NUP50: variants seen among roughly 807,000 people sequenced by gnomAD.
NUP50 encodes the protein nuclear pore complex protein Nup50.
A neutral mutation model predicts 36.8 loss-of-function variants in NUP50; 14 were observed. The ratio of observed to expected loss-of-function variants is 0.38; its 90% CI spans 0.25 to 0.59. NUP50 has a LOEUF of 0.59. Ranked by LOEUF, NUP50 falls within the 20% of genes least tolerant of loss-of-function variation. The probability of loss-of-function intolerance (pLI) is 0.63; values close to 1 mark genes in which losing one functional copy is unlikely to be tolerated. For synonymous variants in NUP50, 195 were observed against 210.8 expected (o/e 0.93, Z 0.65); for missense variants, 455 against 564.6 (o/e 0.81, Z 1.97).
In NUP50 at chr22:45,181,273, A is replaced by G; in HGVS notation, c.1004-13A>G. ...ATTGGAATCTTACTGAATTATTGTC[A>G]TTTTTATAAAAGGTGGAGATGAAGA... On this transcript the variant is annotated splice_polypyrimidine_tract_variant and intron_variant, in intron 5 of 7. Transcript: ENST00000347635. The G allele has an allele frequency of 2.5e-6, 4 of 1,575,372 alleles. No homozygotes were observed. The highest frequency in any genetic ancestry group is 2.6e-6 in the Non-Finnish European group (3 of 1,162,004).
intron 7 of NUP50, 57 bp from the exon 8 acceptor site, chr22:45,184,396 C>T (rs1297041760): frequency 3.4e-6 from 5 of 1,469,542 alleles, no homozygotes; most frequent in South Asian, 1.1e-5. Context: ...ATTACAGACT[C>T]CTTTGGTGGA....
intron 7 of NUP50, 153 bp from the exon 8 acceptor site, chr22:45,184,300 T>A (rs922243181): frequency 2.9e-4 from 203 of 707,946 alleles, no homozygotes; most frequent in Admixed American, 5.5e-4. Flanking sequence ...CTCCCAGTTC[T>A]CAGGGAACCA....
intron 1 of NUP50, among the ~76,000 whole-genome samples, chr22:45,167,425 A>G (rs1211862121): frequency 1.3e-5 from 2 of 152,248 alleles, no homozygotes; most frequent in Non-Finnish European, 2.9e-5. Context: ...CTCTTTGGTT[A>G]GGTGCCGGAA....
chr22:45,179,850 C>G (rs950278888), intron 5 of NUP50, among the ~76,000 whole-genome samples: 1 of 152,196 alleles, frequency 6.6e-6, no homozygotes, highest in African/African-American at 2.4e-5. Flanking sequence ...CATCACTGCA[C>G]TCCAGCCTGG....
At chr22:45,168,056 T>TA (rs1222859944) in intron 1 of NUP50, 112 bp from the exon 2 acceptor site, 19 of 788,034 alleles carry the variant, frequency 2.4e-5, no homozygotes, top group African/African-American at 5.4e-5. Context: ...TTTTCCCTGA[T>TA]AAAAAAACCA....
chr22:45,177,193 T>C (rs1474222489), intron 4 of NUP50, among the ~76,000 whole-genome samples: 1 of 152,172 alleles, frequency 6.6e-6, no homozygotes, highest in East Asian at 1.9e-4. Context: ...CCCAGAGTAC[T>C]GCATTGAGAC....
chr22:45,167,175 C>G (rs1292290511), intron 1 of NUP50, among the ~76,000 whole-genome samples: 1 of 152,076 alleles, frequency 6.6e-6, no homozygotes, highest in African/African-American at 2.4e-5. Flanking sequence ...GGGAGAGTAT[C>G]ACGAAGGAGT....
Position 45,183,440 on chromosome 22 carries a change from A to G in NUP50, c.1124A>G (p.Glu375Gly). ...TACAAGAAAGACAATGAGTTTAAAG[A>G]GAAAGGCATAGGTACTCTGCATTTA... ...LFYKKDNEFK[E>G]KGIGTLHLKP... Residue 375 changes from glutamate (E) to glycine (G), a missense_variant, in exon 7 of 8, where the codon GAG (glutamate) becomes GGG (glycine). Glu to Gly is a moderately conservative substitution (Grantham distance 98). Around this residue, in one of 3 missense-constraint regions of NUP50, gnomAD observed 287 missense variants for 345.5 expected, o/e 0.83. Coordinates refer to ENST00000347635, the MANE Select transcript of NUP50 (RefSeq NM_007172.4). 3 of 1,609,174 alleles carry G rather than the reference A, an allele frequency of 1.9e-6. No individual in the cohort carries two copies. The highest frequency in any genetic ancestry group is 2.5e-6 in the Non-Finnish European group (3 of 1,176,824).
chr22:45,184,435 T>A lies in NUP50; in HGVS notation c.1205-18T>A, dbSNP rs2147711763. The A allele has an allele frequency of 6.2e-7, 1 of 1,609,276 alleles. No individual in the cohort carries two copies. Among genetic ancestry groups the A allele is most frequent in the East Asian group, 2.2e-5 (1 of 44,872 alleles). On this transcript the variant is annotated intron_variant, in intron 7 of 7. Coordinates refer to ENST00000347635, the MANE Select transcript of NUP50 (RefSeq NM_007172.4). ...ATAGCTTCTATAATTTTGATGGGTT[T>A]TGTTTGTTTGAATGCAGGCAACATA...
chr22:45,178,080 C>T, intron 4 of NUP50, 158 bp from the exon 5 acceptor site: 3 of 661,186 alleles, frequency 4.5e-6, no homozygotes, highest in East Asian at 5.6e-5. Context: ...GAGCCAAGAT[C>T]GTGCCACGGC....
chr22:45,169,578 A>G (rs1303746131), intron 2 of NUP50, among the ~76,000 whole-genome samples: 2 of 152,234 alleles, frequency 1.3e-5, no homozygotes, highest in Non-Finnish European at 2.9e-5. Context: ...AGCTTTTAAT[A>G]TTACTCTTTG....
At chr22:45,165,980 C>T (rs2074088261) in intron 1 of NUP50, 1 of 152,216 alleles carries the variant, frequency 6.6e-6, no homozygotes, top group Non-Finnish European at 1.5e-5. Context: ...TTTATGCTCA[C>T]TGGGGAAATA....
At position 45,184,685 on chromosome 22, in the gene NUP50, C is replaced by T. The variant is rs2074441589; in HGVS notation, c.*30C>T. The T allele has an allele frequency of 7.1e-7, 1 of 1,404,770 alleles. No individual in the cohort carries two copies. Among genetic ancestry groups the T allele is most frequent in the Non-Finnish European group, 9.8e-7 (1 of 1,015,926 alleles). 87.0% of individuals were successfully genotyped at this position (1,404,770 alleles called of 1,614,324 possible). A position where few individuals can be genotyped will look rare whatever the true frequency, so the allele number is the denominator to read the frequency against. Reference sequence around the variant, plus strand: ...GCAAAGTCGGCTGCAGAATTATTGCCAAGTTGCTGCTGCTTCCACCGCCCC... The same window carrying T: ...GCAAAGTCGGCTGCAGAATTATTGCTAAGTTGCTGCTGCTTCCACCGCCCC... On this transcript the variant is annotated 3_prime_UTR_variant, in exon 8 of 8. Transcript: ENST00000347635.
chr22:45,172,173 T>C (rs1207711151), intron 3 of NUP50: 1 of 155,684 alleles, frequency 6.4e-6, no homozygotes, highest in Non-Finnish European at 1.4e-5. Flanking sequence ...AATAATGTGC[T>C]GATTATTAAG....
intron 3 of NUP50, among the ~76,000 whole-genome samples, chr22:45,174,594 T>A (rs1016067868): frequency 5.3e-5 from 8 of 152,234 alleles, no homozygotes; most frequent in Admixed American, 2.6e-4. Flanking sequence ...ATCAGCAATT[T>A]CTAAAATCCC....
chr22:45,165,100 A>C (rs1456974565), intron 1 of NUP50: 1 of 152,240 alleles, frequency 6.6e-6, no homozygotes, highest in African/African-American at 2.4e-5. Context: ...CAGATGCCAG[A>C]GACCACATAA....
Position 45,183,388 on chromosome 22 carries a change from A to G in NUP50, c.1086-14A>G, listed in dbSNP as rs1201591017. ...CCTTGAATGCTTGATGGTCCCTATT[A>G]TTTTTCTCCATAGGTGTAAACTGTT... On this transcript the variant is annotated splice_polypyrimidine_tract_variant and intron_variant, in intron 6 of 7. Transcript: ENST00000347635. 3 of 1,473,370 alleles carry G rather than the reference A, an allele frequency of 2.0e-6. No individual in the cohort carries two copies. The highest frequency in any genetic ancestry group is 2.8e-6 in the Non-Finnish European group (3 of 1,055,296). 91.3% of individuals were successfully genotyped at this position (1,473,370 alleles called of 1,614,324 possible). A position where few individuals can be genotyped will look rare whatever the true frequency, so the allele number is the denominator to read the frequency against.
At chr22:45,165,120 G>A (rs745546029) in intron 1 of NUP50, among the ~76,000 whole-genome samples, 3 of 152,204 alleles carry the variant, frequency 2.0e-5, no homozygotes, top group Non-Finnish European at 4.4e-5. Flanking sequence ...ACTATATCAG[G>A]CACAAATAAT....
At chr22:45,176,738 TTTG>T (rs372467830) in intron 4 of NUP50, among the ~76,000 whole-genome samples, 46 of 152,206 alleles carry the variant, frequency 3.0e-4, no homozygotes, top group African/African-American at 7.9e-4. Context: ...TCTGTTAAGT[TTTG>T]TTGTTGTTGT....
Sources: gnomAD v4.1 joint callset for allele counts (sites outside exome capture counted in the v4.1 genomes callset) on GRCh38, gnomAD v4.1.1 for gene constraint, gnomAD v4.1.1 regional missense constraint, MANE v1.5 for transcripts, NCBI Gene and HGNC (gene_info 2026-07-23, HGNC 2026-07-21) for gene names.